The following IL36G variants were observed in gnomAD, a reference collection of about 807,000 sequenced individuals.
IL36G encodes interleukin-36 gamma.
In IL36G, 10 loss-of-function variants were observed where a neutral mutation model predicts 13.5. The ratio of observed to expected loss-of-function variants is 0.74; its 90% CI spans 0.46 to 1.26. The LOEUF (loss-of-function observed/expected upper bound fraction) is 1.26, where lower values mean the gene tolerates loss of function less well. Among genes scored for constraint, IL36G ranks in the 50% most tolerant of loss-of-function variants. The probability of loss-of-function intolerance (pLI) is 0.00; values close to 1 mark genes in which losing one functional copy is unlikely to be tolerated. For missense variants in IL36G, 199 were observed against 203.0 expected, an observed-to-expected ratio of 0.98 and a Z score of 0.12; for synonymous variants, 84 against 74.0, an observed-to-expected ratio of 1.13 and a Z score of -0.69.
intron 4 of IL36G, chr2:112,981,501 A>C: frequency 1.8e-6 from 1 of 565,548 alleles, no homozygotes; most frequent in East Asian, 3.1e-5. Context: ...GGTTTTGGTC[A>C]GTCTGGGGGC....
At chr2:112,980,358 C>T (rs534932966) in intron 4 of IL36G, among the ~76,000 whole-genome samples, 1 of 151,794 alleles carries the variant, frequency 6.6e-6, no homozygotes, top group Non-Finnish European at 1.5e-5. Context: ...TTTTCCAAGC[C>T]AAACTGCATC....
intron 4 of IL36G, chr2:112,981,532 A>C (rs1456616345): frequency 6.0e-6 from 3 of 496,546 alleles, no homozygotes; most frequent in Non-Finnish European, 1.1e-5. Flanking sequence ...TCTTCTTCAC[A>C]CTGCTCTGTC....
At chr2:112,981,540 G>T in intron 4 of IL36G, 1 of 469,868 alleles carries the variant, frequency 2.1e-6, no homozygotes, top group Non-Finnish European at 3.9e-6. Flanking sequence ...ACACTGCTCT[G>T]TCTTTCTTAA....
At chr2:112,978,403 T>A (rs1390808931) in intron 1 of IL36G, among the ~76,000 whole-genome samples, 1 of 152,330 alleles carries the variant, frequency 6.6e-6, no homozygotes, top group East Asian at 1.9e-4. Context: ...TACCATACTA[T>A]CTGGATCTCC....
Position 112,979,337 on chromosome 2 carries a change from C to T in IL36G, c.160+12C>T. The T allele has an allele frequency of 6.7e-7, 1 of 1,500,476 alleles. No homozygotes were observed. The highest frequency in any genetic ancestry group is 1.1e-5 in the South Asian group (1 of 88,744). The allele number at this position is 1,500,476 out of a possible 1,614,324, so 92.9% of individuals were successfully genotyped here. On this transcript the variant is annotated intron_variant, in intron 3 of 4. Coordinates refer to ENST00000259205, the MANE Select transcript of IL36G (RefSeq NM_019618.4). ...CAGTGTGACCCCAGGTGAGTGGTCA[C>T]CCTGTGCCTTCCCCACTGTTTGCAC...
chr2:112,979,103 G>C, intron 2 of IL36G, 118 bp from the exon 3 acceptor site: 1 of 660,656 alleles, frequency 1.5e-6, no homozygotes, highest in Admixed American at 2.4e-5. Context: ...GTCAGTTTGG[G>C]GATGCAAACC....
rs373955457 is a variant in IL36G at position 112,980,133 on chromosome 2, C to T, written c.285C>T (p.Pro95=). 4.0e-5 allele frequency: 65 copies of T among 1,613,614 alleles called. No individual in the cohort carries two copies. The highest frequency in any genetic ancestry group is 5.3e-5 in the African/African-American group (4 of 74,898). Residue 95 remains proline (P), a synonymous_variant, in exon 4 of 5, where the codon CCC becomes CCT. Coordinates refer to ENST00000259205, the MANE Select transcript of IL36G (RefSeq NM_019618.4). The part of the protein sequence containing the change: ...CLYCEKVGEQ[P]TLQLKEQKIM... ...ATTGTGAGAAGGTTGGAGAACAGCC[C>T]ACATTGCAGCTAAAAGTGAGTAGCT...
Position 112,978,711 on chromosome 2 carries a change from G to C in IL36G, c.55+18G>C, listed in dbSNP as rs754884422. 8 of 1,613,422 alleles carry C rather than the reference G, an allele frequency of 5.0e-6. No individual in the cohort carries two copies. The highest frequency in any genetic ancestry group is 5.9e-6 in the Non-Finnish European group (7 of 1,179,570). Reference sequence around the variant, plus strand: ...TCAATCAAGTGAATCAAATGCTGTTGGGATGGGGCTCTGGAGGCTTAGGCC... The same window carrying C: ...TCAATCAAGTGAATCAAATGCTGTTCGGATGGGGCTCTGGAGGCTTAGGCC... On this transcript the variant is annotated intron_variant, in intron 2 of 4. Transcript: ENST00000259205.
At position 112,984,885 on chromosome 2, in the gene IL36G, C is replaced by G; in HGVS notation, c.346C>G (p.Pro116Ala). Residue 116 changes from proline (P) to alanine (A), a missense_variant, in exon 5 of 5, where the codon CCC (proline) becomes GCC (alanine). Pro to Ala is a conservative substitution (Grantham distance 27). Coordinates refer to ENST00000259205, the MANE Select transcript of IL36G (RefSeq NM_019618.4). ...GTATGGCCAACCCGAGCCCGTGAAACCCTTCCTTTTCTACCGTGCCAAGAC... is the reference window on the plus strand; with the variant it reads ...GTATGGCCAACCCGAGCCCGTGAAAGCCTTCCTTTTCTACCGTGCCAAGAC... ...DLYGQPEPVK[P>A]FLFYRAKTGR... The G allele has an allele frequency of 6.2e-7, 1 of 1,614,128 alleles. No individual in the cohort carries two copies. Among genetic ancestry groups the G allele is most frequent in the Non-Finnish European group, 8.5e-7 (1 of 1,180,022 alleles).
chr2:112,980,018 C>T lies in IL36G; in HGVS notation c.170C>T (p.Ala57Val). ...CCTCTTATCTTTACAGTCACTGTTG[C>T]TGTTATCACATGCAAGTATCCAGAG... ...RSDSVTPVTVAVITCKYPEAL... is the reference protein window; with the variant it reads ...RSDSVTPVTVVVITCKYPEAL... Residue 57 changes from alanine to valine, a missense_variant, in exon 4 of 5, where the codon GCT (alanine) becomes GTT (valine). Transcript: ENST00000259205. The T allele has an allele frequency of 6.2e-7, 1 of 1,613,052 alleles. No homozygotes were observed. Among genetic ancestry groups the T allele is most frequent in the Non-Finnish European group, 8.5e-7 (1 of 1,179,606 alleles).
chr2:112,985,118 A>T lies in IL36G; in HGVS notation c.*69A>T. ...TGGTTCCCAATGTGTTTTCGTCTAC[A>T]TTTTCTTAGTGTCATTTTCACGCTG... On this transcript the variant is annotated 3_prime_UTR_variant, in exon 5 of 5. Coordinates refer to ENST00000259205, the MANE Select transcript of IL36G (RefSeq NM_019618.4). 1 of 1,120,700 alleles carries T rather than the reference A, an allele frequency of 8.9e-7. No homozygotes were observed. The highest frequency in any genetic ancestry group is 1.3e-6 in the Non-Finnish European group (1 of 767,384). 69.4% of individuals were successfully genotyped at this position (1,120,700 alleles called of 1,614,324 possible).
chr2:112,984,958 T>C lies in IL36G; in HGVS notation c.419T>C (p.Ile140Thr), dbSNP rs1315099205. 6 of 1,614,024 alleles carry C rather than the reference T, an allele frequency of 3.7e-6. No individual in the cohort carries two copies. The highest frequency in any genetic ancestry group is 1.7e-5 in the Admixed American group (1 of 59,984). Residue 140 changes from isoleucine to threonine, a missense_variant, in exon 5 of 5, where the codon ATT becomes ACT. By Grantham distance (89) the Ile-to-Thr change is moderately conservative (BLOSUM62 -1). Coordinates refer to ENST00000259205, the MANE Select transcript of IL36G (RefSeq NM_019618.4). ...TCTGTGGCCTTCCCGGACTGGTTCA[T>C]TGCCTCCTCCAAGAGAGACCAGCCC... The part of the protein sequence containing the change: ...LESVAFPDWF[I>T]ASSKRDQPII...
intron 3 of IL36G, among the ~76,000 whole-genome samples, chr2:112,979,716 A>T (rs1684230293): frequency 1.3e-5 from 2 of 152,170 alleles, no homozygotes; most frequent in African/African-American, 4.8e-5. Context: ...GGGCTGCTTG[A>T]TGTAGGAGCT....
intron 4 of IL36G, among the ~76,000 whole-genome samples, chr2:112,984,151 G>A (rs1199463487): frequency 6.6e-6 from 1 of 152,212 alleles, no homozygotes; most frequent in Non-Finnish European, 1.5e-5. Context: ...AGGGTGGAAT[G>A]TGGCTGAATT....
At chr2:112,980,421 A>G (rs1470708767) in intron 4 of IL36G, among the ~76,000 whole-genome samples, 4 of 152,126 alleles carry the variant, frequency 2.6e-5, no homozygotes, top group Non-Finnish European at 5.9e-5. Context: ...CAGGCAGGAT[A>G]TGGGCAGACA....
In IL36G at chr2:112,985,460, T is replaced by G. The variant is rs1684334918; in HGVS notation, c.*411T>G. ...TGTTTTGCTTTATTCCCTCTTGGGA[T>G]GATATCATCCAGTCTTTATATGTTG... On this transcript the variant is annotated 3_prime_UTR_variant, in exon 5 of 5. Coordinates refer to ENST00000259205, the MANE Select transcript of IL36G (RefSeq NM_019618.4). 2 of 179,112 alleles carry G rather than the reference T, an allele frequency of 1.1e-5. No homozygotes were observed. The highest frequency in any genetic ancestry group is 2.6e-4 in the South Asian group (2 of 7,642). The allele number at this position is 179,112 out of a possible 1,614,324, so 11.1% of individuals were successfully genotyped here. A position where few individuals can be genotyped will look rare whatever the true frequency, so the allele number is the denominator to read the frequency against.
Position 112,984,947 on chromosome 2 carries a change from G to A in IL36G, c.408G>A (p.Pro136=), listed in dbSNP as rs775744918. 1.3e-5 allele frequency: 21 copies of A among 1,613,798 alleles called. No individual in the cohort carries two copies. Among genetic ancestry groups the A allele is most frequent in the Middle Eastern group, 1.6e-4 (1 of 6,082 alleles). ...RTSTLESVAF[P]DWFIASSKRD... ...CCACCCTTGAGTCTGTGGCCTTCCC[G>A]GACTGGTTCATTGCCTCCTCCAAGA... Residue 136 remains proline, a synonymous_variant, in exon 5 of 5, where the codon CCG becomes CCA. Coordinates refer to ENST00000259205, the MANE Select transcript of IL36G (RefSeq NM_019618.4).
intron 4 of IL36G, among the ~76,000 whole-genome samples, chr2:112,983,269 C>T (rs1039477567): frequency 2.0e-5 from 3 of 152,096 alleles, no homozygotes; most frequent in Admixed American, 6.5e-5. Context: ...AGCATTCTTC[C>T]ATTTATTAAA....
rs892620409 is a variant in IL36G, at chr2:112,984,455, G to A, written c.301-385G>A. Among the ~76,000 whole-genome samples the A allele has an allele frequency of 4.6e-5, 7 of 152,148 alleles. No individual in the cohort carries two copies. In the South Asian group the frequency reaches 6.2e-4, roughly 14 times the overall value. The stretch of plus-strand genomic sequence containing the variant: ...TAACCTGGCTGTCCTTTGTCACGCC[G>A]GTGGTTCTTGCAGGGTAGTGACTCT... On this transcript the variant is annotated intron_variant, in intron 4 of 4. Coordinates refer to ENST00000259205, the MANE Select transcript of IL36G (RefSeq NM_019618.4).
Sources: allele counts gnomAD v4.1 joint callset (sites outside exome capture counted in the v4.1 genomes callset), GRCh38; gene constraint gnomAD v4.1.1; transcripts MANE v1.5; gene names NCBI Gene and HGNC (gene_info 2026-07-23, HGNC 2026-07-21).